DMD: variants seen among roughly 807,000 people sequenced by gnomAD.
DMD encodes mutant dystrophin.
DMD carries 63 observed loss-of-function variants against 330.1 expected under a neutral mutation model. The observed-to-expected ratio is 0.19, with a 90% CI of 0.16 to 0.24. DMD has a LOEUF of 0.24. Ranked by LOEUF, DMD falls within the 10% of genes least tolerant of loss-of-function variation. DMD has a pLI of 1.00. For missense variants in DMD, 3,344 were observed against 2,684.1 expected (o/e 1.25, Z -5.43); for synonymous variants, 1,223 against 959.8 (o/e 1.27, Z -5.07).
In DMD at chrX:32,702,038, G is replaced by A. The variant is rs1280037900; in HGVS notation, c.650-2745C>T. 2.7e-5 allele frequency among the ~76,000 whole-genome samples: 3 copies of A among 111,375 alleles called. No homozygotes were observed. The East Asian group carries it at 8.4e-4, about 31-fold the overall frequency. The stretch of plus-strand genomic sequence containing the variant: ...AGTAATTTTTGAAGAAAGGAATTTA[G>A]GTCTTCTAAAATATTTTGAATTTCA... On this transcript the variant is annotated intron_variant, in intron 7 of 78. Transcript: ENST00000357033.
intron 5 of DMD, among the ~76,000 whole-genome samples, chrX:32,817,001 T>C (rs1433501671): frequency 8.9e-6 from 1 of 111,979 alleles, no homozygotes; most frequent in Non-Finnish European, 1.9e-5. Context: ...ACTTAAGATA[T>C]AAAAGCGCTT....
At chrX:31,830,183 A>G (rs5927876) in intron 49 of DMD, among the ~76,000 whole-genome samples, 54,606 of 111,681 alleles carry the variant, frequency 0.49, 9,690 homozygotes, top group East Asian at 0.64. Flanking sequence ...TTCCTAATGT[A>G]TAGCTTCACA....
intron 1 of DMD, among the ~76,000 whole-genome samples, chrX:33,145,562 A>T (rs1440375894): frequency 2.7e-5 from 3 of 110,852 alleles, no homozygotes; most frequent in Non-Finnish European, 5.7e-5. Context: ...TCCATCATTG[A>T]AGATCTGAGT....
intron 1 of DMD, among the ~76,000 whole-genome samples, chrX:33,220,047 T>C (rs1033509919): frequency 1.4e-4 from 16 of 111,416 alleles, no homozygotes; most frequent in African/African-American, 4.9e-4. Context: ...GGAATAGCAA[T>C]AGAAAAGGGC....
intron 43 of DMD, among the ~76,000 whole-genome samples, chrX:32,254,410 G>A (rs1196345988): frequency 1.8e-5 from 2 of 112,002 alleles, no homozygotes; most frequent in African/African-American, 3.2e-5. Flanking sequence ...GAGATAAGAA[G>A]TGGTTTTTGA....
At chrX:32,015,445 G>A (rs748979917) in intron 44 of DMD, among the ~76,000 whole-genome samples, 30 of 110,796 alleles carry the variant, frequency 2.7e-4, no homozygotes, top group African/African-American at 9.2e-4. Flanking sequence ...CTGGAGAGCT[G>A]GTCACAACAA....
intron 59 of DMD, among the ~76,000 whole-genome samples, chrX:31,465,587 T>C (rs2066803598): frequency 8.9e-6 from 1 of 112,028 alleles, no homozygotes; most frequent in South Asian, 3.7e-4. Context: ...TGCCACGTTT[T>C]CTTTATCCAG....
At chrX:33,063,116 C>G (rs1342761230) in intron 1 of DMD, among the ~76,000 whole-genome samples, 1 of 111,637 alleles carries the variant, frequency 9.0e-6, no homozygotes, top group African/African-American at 3.3e-5. Flanking sequence ...TATACATATA[C>G]ATTAATAAAA....
intron 50 of DMD, among the ~76,000 whole-genome samples, chrX:31,796,842 C>G (rs1420574709): frequency 2.7e-5 from 3 of 110,975 alleles, no homozygotes; most frequent in Non-Finnish European, 5.7e-5. Context: ...TCTGCAAGAG[C>G]TAGTTGCCAA....
intron 49 of DMD, among the ~76,000 whole-genome samples, chrX:31,823,749 T>C (rs1171532396): frequency 1.8e-5 from 2 of 110,116 alleles, no homozygotes; most frequent in African/African-American, 6.6e-5. Context: ...GTACATACAT[T>C]TTTATGTAGA....
chrX:31,563,150 C>T (rs751771185), intron 55 of DMD, among the ~76,000 whole-genome samples: 66 of 111,204 alleles, frequency 5.9e-4, no homozygotes, highest in Admixed American at 1.3e-3. Context: ...CTGCAACCTC[C>T]GCCTCCTGGG....
chrX:31,900,681 T>C (rs1204362736), intron 47 of DMD, among the ~76,000 whole-genome samples: 1 of 110,977 alleles, frequency 9.0e-6, no homozygotes, highest in Non-Finnish European at 1.9e-5. Flanking sequence ...ACATGCAGAG[T>C]CTGGTACAGT....
rs182642666 is a variant in DMD, at chrX:32,300,992, G to A, written c.6117+9090C>T. Among the ~76,000 whole-genome samples the A allele has an allele frequency of 3.3e-3, 367 of 110,153 alleles. 1 individual carries two copies. The highest frequency in any genetic ancestry group is 9.3e-3 in the Middle Eastern group (2 of 214). On this transcript the variant is annotated intron_variant, in intron 42 of 78. Transcript: ENST00000357033. ...TATAAATGATTAAGCAACTTCATAG[G>A]TAGCTACCATACATGATAAAATATA...
chrX:31,355,870 T>TA (rs1303200886), intron 60 of DMD, among the ~76,000 whole-genome samples: 1,852 of 97,508 alleles, frequency 0.019, 18 homozygotes, highest in African/African-American at 0.032. Flanking sequence ...GAAAAAATAA[T>TA]AAAAAAAAAA....
chrX:32,795,437 C>A (rs1472392272), intron 7 of DMD, among the ~76,000 whole-genome samples: 2 of 112,034 alleles, frequency 1.8e-5, no homozygotes, highest in East Asian at 5.6e-4. Flanking sequence ...AACTGGATCC[C>A]TGTCTCTCAC....
intron 27 of DMD, among the ~76,000 whole-genome samples, chrX:32,445,638 G>A (rs1421360657): frequency 1.8e-5 from 2 of 110,882 alleles, no homozygotes; most frequent in East Asian, 2.8e-4. Context: ...GGCAGAAGGT[G>A]AAATTTGACA....
chrX:32,283,257 C>G (rs2097427152), intron 43 of DMD, among the ~76,000 whole-genome samples: 1 of 111,954 alleles, frequency 8.9e-6, no homozygotes, highest in Non-Finnish European at 1.9e-5. Flanking sequence ...GTAACCTAAA[C>G]AGCCAGAAAT....
chrX:32,660,350 A>G (rs1258898727), intron 9 of DMD, among the ~76,000 whole-genome samples: 1 of 111,264 alleles, frequency 9.0e-6, no homozygotes, highest in Non-Finnish European at 1.9e-5. Context: ...TGTGTATATT[A>G]CCAACTGAGG....
chrX:31,895,003 T>A (rs1181428112), intron 47 of DMD, among the ~76,000 whole-genome samples: 2 of 112,040 alleles, frequency 1.8e-5, no homozygotes, highest in Admixed American at 9.5e-5. Flanking sequence ...ATTTAGGGCC[T>A]TTTATATGCC....
Sources: allele counts gnomAD v4.1 joint callset (sites outside exome capture counted in the v4.1 genomes callset), GRCh38; gene constraint gnomAD v4.1.1; transcripts MANE v1.5; gene names NCBI Gene and HGNC (gene_info 2026-07-23, HGNC 2026-07-21).